Variants in DUOX2 observed in about 807,000 individuals in gnomAD.
DUOX2 encodes dual oxidase 2, also known as NADH/NADPH thyroid oxidase p138-tox.
Under a neutral mutation model 183.3 loss-of-function variants are expected in DUOX2, and 185 were observed. The ratio of observed to expected loss-of-function variants is 1.01; its 90% CI spans 0.90 to 1.14. The LOEUF (loss-of-function observed/expected upper bound fraction) is 1.14, where lower values mean the gene tolerates loss of function less well. Ranked by LOEUF, DUOX2 falls within the 50% of genes most tolerant of loss-of-function variation. The pLI, the probability that DUOX2 is intolerant of heterozygous loss-of-function variation, is 0.00. For missense variants in DUOX2, 1,999 were observed against 2,022.9 expected (o/e 0.99, Z 0.23); for synonymous variants, 788 against 812.4 (o/e 0.97, Z 0.51).
chr15:45,105,829 C>A lies in DUOX2; in HGVS notation c.2149-1G>T. On this transcript the variant is annotated splice_acceptor_variant, in intron 17 of 33. Transcript: ENST00000389039. LOFTEE classifies it high-confidence loss of function. ...CCTCTTCAGAACTAAACAGCAGCACCTGGGTGGGAGGAAGGCGGCACTGAC... is the reference window on the plus strand; with the variant it reads ...CCTCTTCAGAACTAAACAGCAGCACATGGGTGGGAGGAAGGCGGCACTGAC... 6.2e-7 allele frequency: 1 copy of A among 1,614,050 alleles called. No homozygotes were observed. Among genetic ancestry groups the A allele is most frequent in the Non-Finnish European group, 8.5e-7 (1 of 1,180,000 alleles).
chr15:45,110,332 G>A (rs1013059637), intron 9 of DUOX2, 96 bp downstream of exon 9: 72 of 1,240,942 alleles, frequency 5.8e-5, no homozygotes, highest in Non-Finnish European at 7.7e-5. Flanking sequence ...CTTCTCTAGT[G>A]AAACTGCGAA....
At chr15:45,105,586 C>T (rs1894189105) in intron 18 of DUOX2, 57 bp downstream of exon 18, 1 of 1,609,036 alleles carries the variant, frequency 6.2e-7, no homozygotes, top group East Asian at 2.2e-5. Flanking sequence ...CTATGCAGCC[C>T]AGGTTTCCTC....
At chr15:45,099,342 C>G (rs1303862907) in intron 26 of DUOX2, 41 bp downstream of exon 26, 2 of 1,578,010 alleles carry the variant, frequency 1.3e-6, no homozygotes, top group Admixed American at 3.3e-5. Flanking sequence ...ACCCTTGGGC[C>G]CACCCTATGA....
At chr15:45,108,602 C>A in intron 12 of DUOX2, 187 bp downstream of exon 12, 2 of 717,896 alleles carry the variant, frequency 2.8e-6, no homozygotes, top group South Asian at 3.6e-5. Context: ...ATTCTGGAAT[C>A]AGATGGCTGA....
chr15:45,112,490 G>T (rs1894457898), intron 4 of DUOX2, 64 bp downstream of exon 4: 1 of 1,589,960 alleles, frequency 6.3e-7, no homozygotes, highest in East Asian at 2.3e-5. Context: ...GACGGGATCT[G>T]GCCCCTCCCC....
chr15:45,107,047 AAAGGAC>A, intron 14 of DUOX2, 78 bp from the exon 15 acceptor site: 1 of 1,545,844 alleles, frequency 6.5e-7, no homozygotes, highest in Non-Finnish European at 8.8e-7. Context: ...TCTATCCTAT[AAAGGAC>A]CAAGGTATCA....
chr15:45,095,728 G>A, intron 30 of DUOX2, 100 bp downstream of exon 30: 1 of 1,538,428 alleles, frequency 6.5e-7, no homozygotes, highest in Non-Finnish European at 8.9e-7. Flanking sequence ...CTCCCAGGCT[G>A]GCTTTGGGAC....
intron 18 of DUOX2, 96 bp downstream of exon 18, chr15:45,105,547 C>A: frequency 6.9e-7 from 1 of 1,457,062 alleles, no homozygotes; most frequent in East Asian, 2.3e-5. Flanking sequence ...GGCCATAGAG[C>A]GGAAGCTTAG....
intron 4 of DUOX2, 71 bp downstream of exon 4, chr15:45,112,483 G>A: frequency 6.3e-7 from 1 of 1,578,788 alleles, no homozygotes; most frequent in Non-Finnish European, 8.6e-7. Context: ...ACTCGCAGAC[G>A]GGATCTGGCC....
chr15:45,094,922 G>A lies in DUOX2; in HGVS notation c.4395+14C>T, dbSNP rs373156594. 3.8e-5 allele frequency: 61 copies of A among 1,613,102 alleles called. No homozygotes were observed. Among genetic ancestry groups the A allele is most frequent in the South Asian group, 1.1e-4 (10 of 91,062 alleles). On this transcript the variant is annotated intron_variant, in intron 32 of 33. Coordinates refer to ENST00000389039, the MANE Select transcript of DUOX2 (RefSeq NM_001363711.2). ...TGCCCGCCAAGTTGCCCTGCCTGGC[G>A]GGCCCTGACATACTAGCATGGTGGT... is the stretch of plus-strand genomic sequence containing the variant.
rs375112603 is a variant in DUOX2, at chr15:45,101,221, G to A, written c.2905C>T (p.Arg969Trp). ...NISCRVSFITRTPGERSHPQG... is the reference protein window; with the variant it reads ...NISCRVSFITWTPGERSHPQG... Reference sequence around the variant, plus strand: ...CCTGCTCACCGCTCCCCAGGTGTCCGAGTGATGAACGAGACTCGACAGCTG... The same window carrying A: ...CCTGCTCACCGCTCCCCAGGTGTCCAAGTGATGAACGAGACTCGACAGCTG... The change falls in exon 22 of 34, where the codon CGG (arginine) becomes TGG (tryptophan). Residue 969 changes from arginine (R) to tryptophan (W), a missense_variant. By Grantham distance (101) the Arg-to-Trp change is moderately radical (BLOSUM62 -3). Coordinates refer to ENST00000389039, the MANE Select transcript of DUOX2 (RefSeq NM_001363711.2). 2.6e-5 allele frequency: 42 copies of A among 1,613,648 alleles called. No homozygotes were observed. Among genetic ancestry groups the A allele is most frequent in the African/African-American group, 9.3e-5 (7 of 74,922 alleles).
At position 45,110,149 on chromosome 15, in the gene DUOX2, G is replaced by C. The variant is rs112599029; in HGVS notation, c.1041-169C>G. 3.2e-3 allele frequency among the ~76,000 whole-genome samples: 489 copies of C among 152,206 alleles called. 3 individuals are homozygous for C. Among genetic ancestry groups the C allele is most frequent in the African/African-American group, 0.011 (469 of 41,524 alleles). On this transcript the variant is annotated intron_variant, in intron 9 of 33. Coordinates refer to ENST00000389039, the MANE Select transcript of DUOX2 (RefSeq NM_001363711.2). ...TGTGCGTTTACTGAAGATAGAGTGC[G>C]CTCCTAGTCCAGGTAGGGTGGGGAG...
intron 23 of DUOX2, 133 bp downstream of exon 23, chr15:45,100,622 T>C (rs1894054599): frequency 1.2e-6 from 1 of 840,776 alleles, no homozygotes. Context: ...CTGTAACCTC[T>C]CAGTCAGGTC....
intron 28 of DUOX2, 78 bp downstream of exon 28, chr15:45,097,536 A>C: frequency 8.7e-6 from 14 of 1,612,864 alleles, no homozygotes; most frequent in Non-Finnish European, 1.2e-5. Flanking sequence ...GAGATCTTGG[A>C]TCCAATTCTC....
At chr15:45,106,425 G>A in intron 16 of DUOX2, 98 bp from the exon 17 acceptor site, 5 of 1,589,038 alleles carry the variant, frequency 3.1e-6, no homozygotes, top group Non-Finnish European at 4.3e-6. Context: ...CGCCCTAAAG[G>A]TGCCTTGGCT....
chr15:45,093,509 C>T lies in DUOX2; in HGVS notation c.*641G>A, dbSNP rs1287173478. The T allele has an allele frequency of 6.5e-6, 1 of 153,046 alleles. No individual in the cohort carries two copies. Among genetic ancestry groups the T allele is most frequent in the African/African-American group, 2.4e-5 (1 of 41,440 alleles). The allele number at this position is 153,046 out of a possible 1,614,324, so 9.5% of individuals were successfully genotyped here. The stretch of plus-strand genomic sequence containing the variant: ...ACGGGAAGGGGTAGAAGTAGGGCTG[C>T]TCCTTTTGGAGCTGGAGGGAATAGA... On this transcript the variant is annotated 3_prime_UTR_variant, in exon 34 of 34. Coordinates refer to ENST00000389039, the MANE Select transcript of DUOX2 (RefSeq NM_001363711.2).
In DUOX2 at chr15:45,107,415, C is replaced by T. The variant is rs1313105525; in HGVS notation, c.1623G>A (p.Arg541=). Residue 541 remains arginine (R), a synonymous_variant, in exon 14 of 34, where the codon CGG becomes CGA. Coordinates refer to ENST00000389039, the MANE Select transcript of DUOX2 (RefSeq NM_001363711.2). ...TGTTGATAACAGCGACCAGCACGTC[C>T]CGCAGGGTGGTATTTCGGATGTCTT... ...EIEDIRNTTL[R]DVLVAVINID... 6.2e-7 allele frequency: 1 copy of T among 1,614,120 alleles called. No homozygotes were observed. The highest frequency in any genetic ancestry group is 1.7e-5 in the Admixed American group (1 of 60,006).
chr15:45,100,904 G>T, intron 22 of DUOX2, 66 bp from the exon 23 acceptor site: 1 of 1,177,522 alleles, frequency 8.5e-7, no homozygotes, highest in South Asian at 1.2e-5. Context: ...TCCCTGGGCA[G>T]AGCATGGGGT....
chr15:45,097,548 C>T, intron 28 of DUOX2, 66 bp downstream of exon 28: 1 of 1,613,572 alleles, frequency 6.2e-7, no homozygotes, highest in South Asian at 1.1e-5. Context: ...CCAATTCTCC[C>T]TCTTTCACCT....
Sources: allele counts gnomAD v4.1 joint callset (sites outside exome capture counted in the v4.1 genomes callset), GRCh38; gene constraint gnomAD v4.1.1; transcripts MANE v1.5; gene names NCBI Gene and HGNC (gene_info 2026-07-23, HGNC 2026-07-21).